HECW1: variants seen among roughly 807,000 people sequenced by gnomAD.
HECW1 encodes HECT, C2 and WW domain containing E3 ubiquitin protein ligase 1.
Under a neutral mutation model 182.3 loss-of-function variants are expected in HECW1, and 61 were observed. That is an observed-to-expected ratio of 0.33 (90% CI 0.27 to 0.41). HECW1 has a LOEUF of 0.41. HECW1 is among the 10% of genes least tolerant of loss of function. The pLI is 1.00. For synonymous variants in HECW1, 859 were observed against 832.6 expected (o/e 1.03, Z -0.55); for missense variants, 1,739 against 2,108.9 (o/e 0.82, Z 3.44).
intron 2 of HECW1, among the ~76,000 whole-genome samples, chr7:43,218,922 C>T (rs1361300554): frequency 1.3e-5 from 2 of 152,098 alleles, no homozygotes; most frequent in Admixed American, 6.5e-5. Context: ...CTCCCCTGTA[C>T]AGAGACAGAG....
chr7:43,443,966 C>T (rs911927617), intron 10 of HECW1, among the ~76,000 whole-genome samples: 1 of 152,186 alleles, frequency 6.6e-6, no homozygotes. Flanking sequence ...GCATTTTAAC[C>T]AAAAGATGAA....
chr7:43,369,078 CT>C (rs1197113186), intron 6 of HECW1, among the ~76,000 whole-genome samples: 2 of 152,146 alleles, frequency 1.3e-5, no homozygotes, highest in African/African-American at 4.8e-5. Flanking sequence ...ATCCAAGGCA[CT>C]CATCAGATAA....
intron 26 of HECW1, among the ~76,000 whole-genome samples, chr7:43,546,816 T>C (rs2081584434): frequency 6.6e-6 from 1 of 152,182 alleles, no homozygotes; most frequent in South Asian, 2.1e-4. Context: ...ATCCTGATCA[T>C]AAATCCAAAT....
intron 4 of HECW1, among the ~76,000 whole-genome samples, chr7:43,316,718 G>A (rs1161857440): frequency 9.4e-6 from 1 of 106,902 alleles, no homozygotes; most frequent in African/African-American, 3.4e-5. Flanking sequence ...GAGGTGGAGA[G>A]TGTGGCTTGG....
chr7:43,476,585 T>C (rs2078227072), intron 16 of HECW1, among the ~76,000 whole-genome samples: 1 of 152,120 alleles, frequency 6.6e-6, no homozygotes, highest in African/African-American at 2.4e-5. Flanking sequence ...AAACTTGCCC[T>C]ACAGATGTTA....
chr7:43,466,405 T>G (rs1203656058), intron 14 of HECW1, 42 bp from the exon 15 acceptor site: 6 of 1,605,768 alleles, frequency 3.7e-6, no homozygotes, highest in Middle Eastern at 1.7e-4. Context: ...TGAAATGCCT[T>G]TTTCCCAATG....
intron 5 of HECW1, among the ~76,000 whole-genome samples, chr7:43,350,753 A>G (rs900940948): frequency 2.6e-5 from 4 of 152,004 alleles, no homozygotes; most frequent in African/African-American, 4.8e-5. Context: ...TTCCATGACT[A>G]TTTCTCCCTT....
intron 21 of HECW1, among the ~76,000 whole-genome samples, chr7:43,504,270 C>T (rs2079488257): frequency 6.6e-6 from 1 of 152,210 alleles, no homozygotes; most frequent in African/African-American, 2.4e-5. Context: ...CAACCACTTA[C>T]TCCCAAAATC....
Position 43,336,136 on chromosome 7 carries a change from C to T in HECW1, c.460+15394C>T, listed in dbSNP as rs1335531742. On this transcript the variant is annotated intron_variant, in intron 5 of 29. Coordinates refer to ENST00000395891, the MANE Select transcript of HECW1 (RefSeq NM_015052.5). ...TTTCTTTCTTTCTTTCTCTCTCTCT[C>T]TCTCTCTTTCTCTCTCTCTCTCTCT... Among the ~76,000 whole-genome samples, 139 of 85,270 alleles carry T rather than the reference C, an allele frequency of 1.6e-3. 1 individual carries two copies. The highest frequency in any genetic ancestry group is 6.3e-3 in the African/African-American group (119 of 18,962). The allele number at this position is 85,270 out of a possible 152,430, so 55.9% of individuals were successfully genotyped here.
At chr7:43,116,711 T>C (rs1236864267) in intron 2 of HECW1, among the ~76,000 whole-genome samples, 1 of 152,232 alleles carries the variant, frequency 6.6e-6, no homozygotes, top group Non-Finnish European at 1.5e-5. Flanking sequence ...ACATGTCCTC[T>C]CTGTAAAACA....
At chr7:43,479,234 G>T (rs2078329183) in intron 16 of HECW1, among the ~76,000 whole-genome samples, 1 of 152,102 alleles carries the variant, frequency 6.6e-6, no homozygotes, top group Admixed American at 6.5e-5. Context: ...CTGCCATCTG[G>T]GGGTAACGAG....
In HECW1 at chr7:43,444,378, C is replaced by G; in HGVS notation, c.1206C>G (p.Pro402=). 1.2e-6 allele frequency: 2 copies of G among 1,613,956 alleles called. No homozygotes were observed. Among genetic ancestry groups the G allele is most frequent in the East Asian group, 2.2e-5 (1 of 44,862 alleles). ...KPEQLGEGSV[P]DGPGNQSIEL... ...AGCAGCTGGGTGAGGGCAGTGTCCC[C>G]GATGGTCCAGGGAACCAAAGCATAG... Residue 402 remains proline (P), a synonymous_variant, in exon 11 of 30, where the codon CCC becomes CCG. Coordinates refer to ENST00000395891, the MANE Select transcript of HECW1 (RefSeq NM_015052.5). This position sits in a 1 kb window ranked among gnomAD's most constrained non-coding sequence, Gnocchi z 4.3.
At chr7:43,284,205 A>C (rs182864796) in intron 3 of HECW1, among the ~76,000 whole-genome samples, 3 of 152,306 alleles carry the variant, frequency 2.0e-5, no homozygotes, top group Admixed American at 6.5e-5. Flanking sequence ...GATCTGAAAT[A>C]ATTTTCTTTT....
chr7:43,430,772 A>C (rs532198801), intron 8 of HECW1, among the ~76,000 whole-genome samples: 2 of 41,600 alleles, frequency 4.8e-5, no homozygotes, highest in African/African-American at 2.0e-4. Flanking sequence ...CTCCATTTTT[A>C]TTTTTCTTTA....
intron 6 of HECW1, among the ~76,000 whole-genome samples, chr7:43,373,508 G>GT (rs965420205): frequency 1.3e-5 from 2 of 151,040 alleles, no homozygotes; most frequent in African/African-American, 2.4e-5. Flanking sequence ...GAATCTCACT[G>GT]TTTTTTTTAA....
intron 3 of HECW1, among the ~76,000 whole-genome samples, chr7:43,305,955 T>C (rs1055148867): frequency 5.3e-5 from 8 of 152,042 alleles, no homozygotes; most frequent in African/African-American, 1.7e-4. Context: ...AGACGGGGTT[T>C]CTCCATGTTG....
intron 3 of HECW1, among the ~76,000 whole-genome samples, chr7:43,264,183 TAA>T (rs1801489244): frequency 6.6e-6 from 1 of 152,196 alleles, no homozygotes; most frequent in Non-Finnish European, 1.5e-5. Flanking sequence ...AATAGATCTC[TAA>T]AACTTATTCT....
intron 15 of HECW1, among the ~76,000 whole-genome samples, chr7:43,468,363 T>C (rs112655228): frequency 6.6e-6 from 1 of 151,620 alleles, no homozygotes; most frequent in East Asian, 1.9e-4. Context: ...CTCAGGCAGG[T>C]AGAGGGAGGC....
chr7:43,493,778 G>C (rs1026500967), intron 19 of HECW1, among the ~76,000 whole-genome samples: 1 of 152,102 alleles, frequency 6.6e-6, no homozygotes, highest in Admixed American at 6.6e-5. Flanking sequence ...ACTCTCCAAC[G>C]TTCCAAAATC....
Sources: allele counts gnomAD v4.1 joint callset (sites outside exome capture counted in the v4.1 genomes callset), GRCh38; gene constraint gnomAD v4.1.1; non-coding constraint Gnocchi (gnomAD v3.1); transcripts MANE v1.5; gene names NCBI Gene and HGNC (gene_info 2026-07-23, HGNC 2026-07-21).